Variants in DLGAP2 observed in about 807,000 individuals in gnomAD.
DLGAP2 encodes the protein DLG associated protein 2.
A neutral mutation model predicts 100.3 loss-of-function variants in DLGAP2; 26 were observed. That is an observed-to-expected ratio of 0.26 (90% CI 0.19 to 0.36). The LOEUF is 0.36. Ranked by LOEUF, DLGAP2 falls within the 10% of genes least tolerant of loss-of-function variation. The probability of loss-of-function intolerance (pLI) is 1.00; values close to 1 mark genes in which losing one functional copy is unlikely to be tolerated. For synonymous variants in DLGAP2, 886 were observed against 630.1 expected, an observed-to-expected ratio of 1.41 and a Z score of -6.08; for missense variants, 1,858 against 1,453.2, an observed-to-expected ratio of 1.28 and a Z score of -4.53.
In DLGAP2 at chr8:1,415,172, A is replaced by C. The variant is rs7827908; in HGVS notation, c.107-86194A>C. 5.5e-3 allele frequency among the ~76,000 whole-genome samples: 845 copies of C among 152,356 alleles called. 8 individuals carry two copies. The highest frequency in any genetic ancestry group is 0.019 in the African/African-American group (797 of 41,576). On this transcript the variant is annotated intron_variant, in intron 3 of 14. Coordinates refer to ENST00000637795, the MANE Select transcript of DLGAP2 (RefSeq NM_001346810.2). ...TACAAACAGGCAACTCTATTCTGCCAACCTGTGGGCTGTGTCTATCTTTAA... is the reference window on the plus strand; with the variant it reads ...TACAAACAGGCAACTCTATTCTGCCCACCTGTGGGCTGTGTCTATCTTTAA...
intron 1 of DLGAP2, among the ~76,000 whole-genome samples, chr8:874,972 G>T (rs1478559996): frequency 6.6e-6 from 1 of 152,160 alleles, no homozygotes; most frequent in African/African-American, 2.4e-5. Flanking sequence ...TATTGCTCCT[G>T]ATGGGTTGTC....
chr8:1,195,148 G>A (rs555357230), intron 2 of DLGAP2, among the ~76,000 whole-genome samples: 12 of 152,378 alleles, frequency 7.9e-5, no homozygotes, highest in South Asian at 2.1e-4. Flanking sequence ...TCGCAAAGGC[G>A]TCAGAACAGT....
chr8:787,232 C>T lies in DLGAP2; in HGVS notation c.18+49407C>T, dbSNP rs750578030. Reference sequence around the variant, plus strand: ...TGCTGTATGTCTTTCCTGTCTCAATCGCTCGTGTTCGAACGTTAGTAACTA... The same window carrying T: ...TGCTGTATGTCTTTCCTGTCTCAATTGCTCGTGTTCGAACGTTAGTAACTA... On this transcript the variant is annotated intron_variant, in intron 1 of 14. Coordinates refer to ENST00000637795, the MANE Select transcript of DLGAP2 (RefSeq NM_001346810.2). 3.9e-5 allele frequency among the ~76,000 whole-genome samples: 6 copies of T among 152,270 alleles called. No individual in the cohort carries two copies. In the South Asian group the frequency reaches 6.2e-4, roughly 16 times the overall value.
At chr8:1,238,577 C>T (rs1301560589) in intron 2 of DLGAP2, among the ~76,000 whole-genome samples, 7 of 75,752 alleles carry the variant, frequency 9.2e-5, no homozygotes, top group Non-Finnish European at 5.4e-5. Context: ...CCCATGGCGC[C>T]GTGTCTAGTT....
intron 2 of DLGAP2, among the ~76,000 whole-genome samples, chr8:1,079,026 G>A (rs1803714054): frequency 1.3e-5 from 2 of 152,184 alleles, no homozygotes; most frequent in African/African-American, 4.8e-5. Context: ...CACCAGCAGG[G>A]AGGAGAGTTC....
At chr8:755,249 A>T (rs1002960921) in intron 1 of DLGAP2, among the ~76,000 whole-genome samples, 1 of 152,150 alleles carries the variant, frequency 6.6e-6, no homozygotes, top group Admixed American at 6.5e-5. Flanking sequence ...GCTTGAGCTC[A>T]GGAGTTTGAG....
Position 1,271,726 on chromosome 8 carries a change from A to C in DLGAP2, c.106+12843A>C, listed in dbSNP as rs561032579. Among the ~76,000 whole-genome samples, 27 of 152,350 alleles carry C rather than the reference A, an allele frequency of 1.8e-4. 1 individual carries two copies. In the East Asian group the frequency reaches 5.0e-3, roughly 28 times the overall value. On this transcript the variant is annotated intron_variant, in intron 3 of 14. Transcript: ENST00000637795. ...GCTCAGGGGGAGGGGAAATGGGACA[A>C]TGTTGGTTGAAGGCTACAAACTTGT...
chr8:875,552 T>A (rs1797674446), intron 1 of DLGAP2, among the ~76,000 whole-genome samples: 1 of 152,198 alleles, frequency 6.6e-6, no homozygotes, highest in African/African-American at 2.4e-5. Flanking sequence ...TGCTTCCCCT[T>A]CCACCATGAT....
chr8:1,111,461 A>G (rs1804956548), intron 2 of DLGAP2, among the ~76,000 whole-genome samples: 1 of 151,534 alleles, frequency 6.6e-6, no homozygotes, highest in Non-Finnish European at 1.5e-5. Flanking sequence ...AGGTTAACTC[A>G]TGTCACAGAG....
At chr8:1,253,140 G>A (rs1414416955) in intron 2 of DLGAP2, among the ~76,000 whole-genome samples, 1 of 152,200 alleles carries the variant, frequency 6.6e-6, no homozygotes, top group Admixed American at 6.5e-5. Context: ...TGCATTCATG[G>A]CTGGGTTGGA....
chr8:947,290 G>A (rs954744115), intron 2 of DLGAP2, among the ~76,000 whole-genome samples: 2 of 152,170 alleles, frequency 1.3e-5, no homozygotes, highest in African/African-American at 2.4e-5. Flanking sequence ...GGGGCTGGGC[G>A]CCAGGTGGTT....
At chr8:1,110,877 C>A (rs990390427) in intron 2 of DLGAP2, among the ~76,000 whole-genome samples, 2 of 152,068 alleles carry the variant, frequency 1.3e-5, no homozygotes, top group Non-Finnish European at 2.9e-5. Flanking sequence ...GGCTCAGCTA[C>A]CCCTGTCTGT....
chr8:1,159,494 C>T (rs1796850421), intron 2 of DLGAP2, among the ~76,000 whole-genome samples: 1 of 152,148 alleles, frequency 6.6e-6, no homozygotes, highest in South Asian at 2.1e-4. Context: ...GAGCATTGCA[C>T]TTGGTTTATG....
chr8:1,318,395 C>A (rs567017881), intron 3 of DLGAP2, among the ~76,000 whole-genome samples: 14 of 151,470 alleles, frequency 9.2e-5, no homozygotes, highest in Non-Finnish European at 7.4e-5. Flanking sequence ...CAGGGCTCCC[C>A]ACTGTCCATA....
At position 1,185,709 on chromosome 8, in the gene DLGAP2, TCACACACA is replaced by T. The variant is rs879332226; in HGVS notation, c.74-73132_74-73125del. On this transcript the variant is annotated intron_variant, in intron 2 of 14. Transcript: ENST00000637795. Reference sequence around the variant, plus strand: ...TAGCTGTAAACACACACACTCACACTCACACACACACACACACTCACACTCACACACAC... The same window carrying T: ...TAGCTGTAAACACACACACTCACACTCACACACACTCACACTCACACACAC... Among the ~76,000 whole-genome samples the T allele has an allele frequency of 6.9e-5, 6 of 87,266 alleles. No individual in the cohort carries two copies. The South Asian group carries it at 1.5e-3, about 21-fold the overall frequency. 57.2% of individuals were successfully genotyped at this position (87,266 alleles called of 152,430 possible).
intron 2 of DLGAP2, among the ~76,000 whole-genome samples, chr8:1,183,403 C>G (rs1366324998): frequency 2.0e-5 from 3 of 152,116 alleles, no homozygotes; most frequent in African/African-American, 7.2e-5. Flanking sequence ...AGTGTGTTTT[C>G]TGATATTGAT....
At chr8:1,104,613 T>C (rs1024980435) in intron 2 of DLGAP2, among the ~76,000 whole-genome samples, 6 of 152,316 alleles carry the variant, frequency 3.9e-5, no homozygotes, top group Admixed American at 3.9e-4. Context: ...CTGTCTCATT[T>C]AATCCTTGGG....
chr8:1,127,850 C>T (rs1796202942), intron 2 of DLGAP2, among the ~76,000 whole-genome samples: 1 of 152,186 alleles, frequency 6.6e-6, no homozygotes, highest in Admixed American at 6.5e-5. Flanking sequence ...GTGGATTAGT[C>T]ATTCGAGGCT....
intron 2 of DLGAP2, among the ~76,000 whole-genome samples, chr8:1,211,800 G>T (rs890229930): frequency 1.3e-5 from 2 of 152,204 alleles, no homozygotes; most frequent in Non-Finnish European, 2.9e-5. Context: ...GCTTGAACCC[G>T]GGAGGTGGAG....
Sources: allele counts gnomAD v4.1 joint callset (sites outside exome capture counted in the v4.1 genomes callset), GRCh38; gene constraint gnomAD v4.1.1; transcripts MANE v1.5; gene names NCBI Gene and HGNC (gene_info 2026-07-23, HGNC 2026-07-21).